The following CIB4 variants were observed in gnomAD, a reference collection of about 807,000 sequenced individuals.
CIB4 encodes the protein calcium and integrin-binding family member 4.
A neutral mutation model predicts 25.8 loss-of-function variants in CIB4; 25 were observed. That is an observed-to-expected ratio of 0.97 (90% CI 0.71 to 1.35). CIB4 has a LOEUF of 1.35. CIB4 is among the 40% of genes most tolerant of loss of function. The pLI is 0.00. For synonymous variants in CIB4, 75 were observed against 81.4 expected (o/e 0.92, Z 0.42); for missense variants, 235 against 228.2 (o/e 1.03, Z -0.19).
Position 26,629,460 on chromosome 2 carries a change from T to G in CIB4, c.136A>C (p.Lys46Gln). 4 of 1,582,756 alleles carry G rather than the reference T, an allele frequency of 2.5e-6. No individual in the cohort carries two copies. Among genetic ancestry groups the G allele is most frequent in the Non-Finnish European group, 2.6e-6 (3 of 1,164,160 alleles). The change falls in exon 3 of 7, where the codon AAG becomes CAG. Residue 46 changes from lysine to glutamine, a missense_variant. Physicochemically the swap from Lys to Gln is moderately conservative, Grantham distance 53. Coordinates refer to ENST00000288861, the MANE Select transcript of CIB4 (RefSeq NM_001029881.3). ...TGGTCCATGGTGAGCGTTGCCTCCTTGTAGTACTTCCCAGGAGGGCAGAGC... is the reference window on the plus strand; with the variant it reads ...TGGTCCATGGTGAGCGTTGCCTCCTGGTAGTACTTCCCAGGAGGGCAGAGC... ...LKLCPPGKYY[K>Q]EATLTMDQVS...
At chr2:26,594,517 T>C (rs1403378184) in intron 4 of CIB4, among the ~76,000 whole-genome samples, 1 of 152,200 alleles carries the variant, frequency 6.6e-6, no homozygotes, top group East Asian at 1.9e-4. Flanking sequence ...AATGTGCAAG[T>C]CCTTTGGGGC....
At chr2:26,585,244 G>A (rs1234974788) in intron 4 of CIB4, among the ~76,000 whole-genome samples, 1 of 151,390 alleles carries the variant, frequency 6.6e-6, no homozygotes. Flanking sequence ...TGGGGAGCCA[G>A]GGACGGCGGC....
chr2:26,637,869 TGA>T (rs1321909192), intron 2 of CIB4, among the ~76,000 whole-genome samples: 2 of 152,288 alleles, frequency 1.3e-5, no homozygotes, highest in African/African-American at 4.8e-5. Flanking sequence ...CCTTCCCATT[TGA>T]GAGTTTCTGC....
rs183727264 is a variant in CIB4 at position 26,587,969 on chromosome 2, T to C, written c.329-4071A>G. ...TGTTCCCCATGGCAGGATATGGGTG[T>C]GGAAGGTGTAAGTTCCCCTCACTCC... On this transcript the variant is annotated intron_variant, in intron 4 of 6. Coordinates refer to ENST00000288861, the MANE Select transcript of CIB4 (RefSeq NM_001029881.3). Among the ~76,000 whole-genome samples the C allele has an allele frequency of 8.1e-3, 1,235 of 152,276 alleles. 6 individuals carry two copies. Among genetic ancestry groups the C allele is most frequent in the Middle Eastern group, 0.02 (6 of 294 alleles).
At chr2:26,631,179 T>G (rs982577575) in intron 2 of CIB4, among the ~76,000 whole-genome samples, 2 of 152,128 alleles carry the variant, frequency 1.3e-5, no homozygotes, top group Admixed American at 6.5e-5. Flanking sequence ...TTTAGGGACA[T>G]GTAACTAAGT....
In CIB4 at chr2:26,629,442, T is replaced by C. The variant is rs199854077; in HGVS notation, c.154A>G (p.Met52Val). ...GKYYKEATLTMDQVSSLPALR... is the reference protein window; with the variant it reads ...GKYYKEATLTVDQVSSLPALR... Reference sequence around the variant, plus strand: ...GCTGGCAGGGAGCTGACCTGGTCCATGGTGAGCGTTGCCTCCTTGTAGTAC... The same window carrying C: ...GCTGGCAGGGAGCTGACCTGGTCCACGGTGAGCGTTGCCTCCTTGTAGTAC... The change falls in exon 3 of 7, where the codon ATG becomes GTG. Residue 52 changes from methionine to valine, a missense_variant. Met to Val is a conservative substitution (Grantham distance 21). Transcript: ENST00000288861. 3.6e-5 allele frequency: 57 copies of C among 1,581,772 alleles called. 1 individual carries two copies. Among genetic ancestry groups the C allele is most frequent in the Non-Finnish European group, 8.6e-7 (1 of 1,163,712 alleles).
intron 4 of CIB4, 89 bp downstream of exon 4, chr2:26,595,087 T>G (rs2148196857): frequency 2.3e-6 from 3 of 1,299,458 alleles, no homozygotes; most frequent in Non-Finnish European, 3.3e-6. Context: ...GTTAATGCCA[T>G]CCATCAATGA....
At chr2:26,623,751 G>A (rs1343925431) in intron 3 of CIB4, 4 of 313,668 alleles carry the variant, frequency 1.3e-5, no homozygotes, top group South Asian at 2.8e-5. Flanking sequence ...GGGTGAGGTG[G>A]CCCCGCCAGT....
chr2:26,613,095 T>G (rs1669027184), intron 3 of CIB4, among the ~76,000 whole-genome samples: 1 of 152,140 alleles, frequency 6.6e-6, no homozygotes. Context: ...TCATCTCTCC[T>G]CCTCATCTCA....
chr2:26,591,671 T>C (rs1194205679), intron 4 of CIB4, among the ~76,000 whole-genome samples: 1 of 152,214 alleles, frequency 6.6e-6, no homozygotes, highest in Non-Finnish European at 1.5e-5. Context: ...TTGTAACCAA[T>C]GGAACTTGGC....
chr2:26,601,247 T>A (rs866601467), intron 3 of CIB4, among the ~76,000 whole-genome samples: 3,135 of 127,276 alleles, frequency 0.025, 229 homozygotes, highest in African/African-American at 0.044. Flanking sequence ...TATATATATA[T>A]ATATATATAT....
At chr2:26,634,918 C>A (rs1032178281) in intron 2 of CIB4, among the ~76,000 whole-genome samples, 1 of 152,234 alleles carries the variant, frequency 6.6e-6, no homozygotes, top group African/African-American at 2.4e-5. Flanking sequence ...CCGAAGAGCT[C>A]GGGCTGAGCC....
chr2:26,610,633 C>A (rs540813139), intron 3 of CIB4, among the ~76,000 whole-genome samples: 1 of 152,208 alleles, frequency 6.6e-6, no homozygotes, highest in African/African-American at 2.4e-5. Flanking sequence ...CTGGGCACCA[C>A]ACCTTATCTA....
intron 3 of CIB4, among the ~76,000 whole-genome samples, chr2:26,613,830 G>C (rs896057141): frequency 2.6e-5 from 4 of 152,348 alleles, no homozygotes; most frequent in East Asian, 3.9e-4. Flanking sequence ...AGGTCTCTCT[G>C]TAGTCGGGCC....
chr2:26,621,710 G>A (rs1444054327), intron 3 of CIB4, among the ~76,000 whole-genome samples: 2 of 152,164 alleles, frequency 1.3e-5, no homozygotes, highest in African/African-American at 4.8e-5. Context: ...AACAGAAAAT[G>A]CAAGACCCAA....
intron 5 of CIB4, among the ~76,000 whole-genome samples, chr2:26,583,475 C>G (rs1668390620): frequency 6.6e-6 from 1 of 152,208 alleles, no homozygotes; most frequent in South Asian, 2.1e-4. Context: ...ATGGCAGTCC[C>G]TGTCATGTAG....
At chr2:26,602,865 G>A (rs571905566) in intron 3 of CIB4, among the ~76,000 whole-genome samples, 45 of 152,284 alleles carry the variant, frequency 3.0e-4, no homozygotes, top group African/African-American at 1.1e-3. Flanking sequence ...TTCGAAATCA[G>A]CCTAAGCAAC....
intron 2 of CIB4, among the ~76,000 whole-genome samples, chr2:26,634,490 G>T (rs930212996): frequency 2.6e-5 from 4 of 152,202 alleles, no homozygotes; most frequent in African/African-American, 9.7e-5. Flanking sequence ...CCATGTGCCA[G>T]GTATTGCTCT....
chr2:26,600,134 G>T lies in CIB4; in HGVS notation c.187-4817C>A, dbSNP rs188014317. ...CTGGGCGCAGTGGCTGCTAGGCATG[G>T]TGGCTCACTCCTGTAATCCCAGCAC... is the stretch of plus-strand genomic sequence containing the variant. On this transcript the variant is annotated intron_variant, in intron 3 of 6. Transcript: ENST00000288861. Among the ~76,000 whole-genome samples, 85 of 144,678 alleles carry T rather than the reference G, an allele frequency of 5.9e-4. 10 individuals are homozygous for T. The highest frequency in any genetic ancestry group is 2.2e-3 in the African/African-American group (83 of 37,210). 94.9% of individuals were successfully genotyped at this position (144,678 alleles called of 152,430 possible).
Sources: gnomAD v4.1 joint callset for allele counts (sites outside exome capture counted in the v4.1 genomes callset) on GRCh38, gnomAD v4.1.1 for gene constraint, MANE v1.5 for transcripts, NCBI Gene and HGNC (gene_info 2026-07-23, HGNC 2026-07-21) for gene names.